The following CORO2A variants were observed in gnomAD, a reference collection of about 807,000 sequenced individuals.
The protein encoded by CORO2A is coronin-2A.
Under a neutral mutation model 62.4 loss-of-function variants are expected in CORO2A, and 47 were observed. The ratio of observed to expected loss-of-function variants is 0.75; its 90% CI spans 0.60 to 0.96. The LOEUF is 0.96. Ranked by LOEUF, CORO2A falls within the 40% of genes least tolerant of loss-of-function variation. The pLI, the probability that CORO2A is intolerant of heterozygous loss-of-function variation, is 0.00. For synonymous variants in CORO2A, 273 were observed against 268.9 expected, an observed-to-expected ratio of 1.02 and a Z score of -0.15; for missense variants, 610 against 684.1, an observed-to-expected ratio of 0.89 and a Z score of 1.21.
At chr9:98,165,808 A>G (rs557246934) in intron 1 of CORO2A, among the ~76,000 whole-genome samples, 4 of 152,344 alleles carry the variant, frequency 2.6e-5, no homozygotes, top group Admixed American at 2.0e-4. Context: ...CCCATTAACC[A>G]TATCACTAGG....
intron 5 of CORO2A, among the ~76,000 whole-genome samples, chr9:98,132,837 G>A (rs1273078204): frequency 3.3e-5 from 5 of 152,170 alleles, no homozygotes; most frequent in Non-Finnish European, 7.4e-5. Flanking sequence ...CATCTCTCAC[G>A]GGCCTCAGTT....
rs1037078790 is a variant in CORO2A at position 98,130,943 on chromosome 9, T to G, written c.870+12A>C. 6.2e-7 allele frequency: 1 copy of G among 1,610,606 alleles called. No individual in the cohort carries two copies. The highest frequency in any genetic ancestry group is 1.3e-5 in the African/African-American group (1 of 74,796). ...GGTCCAGGAGGTCACCTCCCTCCCG[T>G]GCCAAGCCGACCTTCCCCACCACGT... On this transcript the variant is annotated intron_variant, in intron 7 of 11. Transcript: ENST00000375077.
chr9:98,134,447 A>T (rs1353221786), intron 4 of CORO2A, among the ~76,000 whole-genome samples: 1 of 152,212 alleles, frequency 6.6e-6, no homozygotes, highest in African/African-American at 2.4e-5. Flanking sequence ...TTATTTGGAA[A>T]TGGGGTCTTC....
chr9:98,143,126 G>A (rs997352872), intron 2 of CORO2A, among the ~76,000 whole-genome samples: 1 of 152,194 alleles, frequency 6.6e-6, no homozygotes, highest in East Asian at 1.9e-4. Context: ...TCCCCTCGCA[G>A]ACCCCACAGA....
chr9:98,160,508 T>C (rs1372340299), intron 1 of CORO2A, among the ~76,000 whole-genome samples: 1 of 152,160 alleles, frequency 6.6e-6, no homozygotes, highest in East Asian at 1.9e-4. Context: ...GAGCAGCACA[T>C]CTTTTCTCTA....
chr9:98,189,409 A>G (rs1828278136), intron 1 of CORO2A, among the ~76,000 whole-genome samples: 1 of 152,202 alleles, frequency 6.6e-6, no homozygotes, highest in African/African-American at 2.4e-5. Flanking sequence ...ATAAAAACAC[A>G]CCAACTTCTA....
intron 1 of CORO2A, among the ~76,000 whole-genome samples, chr9:98,190,121 G>A (rs1047955632): frequency 6.6e-6 from 1 of 152,164 alleles, no homozygotes; most frequent in Admixed American, 6.6e-5. Flanking sequence ...TAGACCTCAG[G>A]TGATCCGCCC....
intron 1 of CORO2A, among the ~76,000 whole-genome samples, chr9:98,171,382 G>C (rs11792904): frequency 0.031 from 4,742 of 152,254 alleles, 97 homozygotes; most frequent in Non-Finnish European, 0.049. Flanking sequence ...AGGGACCTGG[G>C]GCCCAGAGTC....
intron 1 of CORO2A, among the ~76,000 whole-genome samples, chr9:98,165,238 C>T (rs756531515): frequency 2.0e-5 from 3 of 152,158 alleles, no homozygotes; most frequent in Non-Finnish European, 2.9e-5. Flanking sequence ...GGATGACAGG[C>T]GTGAGCCACC....
intron 1 of CORO2A, among the ~76,000 whole-genome samples, chr9:98,190,785 A>G (rs1368064357): frequency 6.6e-6 from 1 of 152,240 alleles, no homozygotes; most frequent in East Asian, 1.9e-4. Flanking sequence ...TCGAGATGAC[A>G]GGAGACCCAG....
chr9:98,184,509 C>T (rs959462869), intron 1 of CORO2A, among the ~76,000 whole-genome samples: 2 of 152,188 alleles, frequency 1.3e-5, no homozygotes, highest in African/African-American at 2.4e-5. Context: ...CTTTCTCTTA[C>T]CGTGACATGG....
chr9:98,124,763 G>C lies in CORO2A; in HGVS notation c.*11C>G. ...GGTGTCCCTGAGGGTGAGGAGGGCAGAGGTCTCTGCTCAGAGCTGCTCTGA... is the reference window on the plus strand; with the variant it reads ...GGTGTCCCTGAGGGTGAGGAGGGCACAGGTCTCTGCTCAGAGCTGCTCTGA... On this transcript the variant is annotated 3_prime_UTR_variant, in exon 12 of 12. Coordinates refer to ENST00000375077, the MANE Select transcript of CORO2A (RefSeq NM_052820.4). 6.2e-7 allele frequency: 1 copy of C among 1,605,726 alleles called. No individual in the cohort carries two copies. Among genetic ancestry groups the C allele is most frequent in the Non-Finnish European group, 8.5e-7 (1 of 1,175,890 alleles).
At chr9:98,149,961 A>T (rs1306583053) in intron 2 of CORO2A, among the ~76,000 whole-genome samples, 1 of 149,532 alleles carries the variant, frequency 6.7e-6, no homozygotes, top group African/African-American at 2.5e-5. Flanking sequence ...AGAGTCTCGC[A>T]CTGTTGCCTG....
At chr9:98,188,981 C>T (rs1351635433) in intron 1 of CORO2A, among the ~76,000 whole-genome samples, 2 of 152,156 alleles carry the variant, frequency 1.3e-5, no homozygotes, top group East Asian at 1.9e-4. Context: ...CAAAGTGAGG[C>T]TCCCATGTCC....
rs1827496899 is a variant in CORO2A, at chr9:98,137,034, G to T, written c.318+538C>A. Among the ~76,000 whole-genome samples the T allele has an allele frequency of 2.6e-5, 4 of 152,060 alleles. No individual in the cohort carries two copies. The South Asian group carries it at 8.3e-4, about 32-fold the overall frequency. On this transcript the variant is annotated intron_variant, in intron 3 of 11. Transcript: ENST00000375077. ...GCCATACCACCATATTTTAGAAGTG[G>T]GTACAAAATGAATTGTAAATAAGTA...
At chr9:98,138,717 G>C (rs1489908392) in intron 2 of CORO2A, among the ~76,000 whole-genome samples, 1 of 152,152 alleles carries the variant, frequency 6.6e-6, no homozygotes, top group African/African-American at 2.4e-5. Flanking sequence ...GCATCCCCCT[G>C]GTACCTGGTA....
At chr9:98,174,304 AGAG>A (rs1231927577) in intron 1 of CORO2A, among the ~76,000 whole-genome samples, 3 of 152,134 alleles carry the variant, frequency 2.0e-5, no homozygotes, top group African/African-American at 4.8e-5. Context: ...CCTACCTTAT[AGAG>A]GAGATGTTCA....
chr9:98,185,707 G>A (rs749113336), intron 1 of CORO2A, among the ~76,000 whole-genome samples: 11 of 152,220 alleles, frequency 7.2e-5, no homozygotes, highest in Non-Finnish European at 1.6e-4. Flanking sequence ...TATTGAGCAC[G>A]CCATAGACCA....
chr9:98,181,443 T>C (rs978215710), intron 1 of CORO2A, among the ~76,000 whole-genome samples: 2 of 151,160 alleles, frequency 1.3e-5, no homozygotes, highest in Non-Finnish European at 2.9e-5. Context: ...CCCAAAGTGC[T>C]AGGATTATAG....
Sources: gnomAD v4.1 joint callset for allele counts (sites outside exome capture counted in the v4.1 genomes callset) on GRCh38, gnomAD v4.1.1 for gene constraint, MANE v1.5 for transcripts, NCBI Gene and HGNC (gene_info 2026-07-23, HGNC 2026-07-21) for gene names.